The following IGSF22 variants were observed in gnomAD, a reference collection of about 807,000 sequenced individuals.
IGSF22 encodes the protein immunoglobulin superfamily, member 22.
Under a neutral mutation model 127.0 loss-of-function variants are expected in IGSF22, and 119 were observed. The observed-to-expected ratio is 0.94, with a 90% confidence interval of 0.81 to 1.09. IGSF22 has a LOEUF of 1.09. Ranked by LOEUF, IGSF22 falls within the 50% of genes least tolerant of loss-of-function variation. The pLI is 0.00. For missense variants in IGSF22, 1,518 were observed against 1,716.6 expected (o/e 0.88, Z 2.04); for synonymous variants, 568 against 664.7 (o/e 0.85, Z 2.24).
Position 18,708,306 on chromosome 11 carries a change from G to A in IGSF22, c.2999-11C>T. The A allele has an allele frequency of 6.5e-7, 1 of 1,533,082 alleles. No individual in the cohort carries two copies. Among genetic ancestry groups the A allele is most frequent in the Non-Finnish European group, 8.8e-7 (1 of 1,138,636 alleles). 95.0% of individuals were successfully genotyped at this position (1,533,082 alleles called of 1,614,324 possible). A position where few individuals can be genotyped will look rare whatever the true frequency, so the allele number is the denominator to read the frequency against. On this transcript the variant is annotated splice_polypyrimidine_tract_variant and intron_variant, in intron 18 of 22. Transcript: ENST00000513874. Reference sequence around the variant, plus strand: ...CAAACTTGGGTGCAGCTGAGATGGAGGAGACAGAGGTGGAGGCATGGATCT... The same window carrying A: ...CAAACTTGGGTGCAGCTGAGATGGAAGAGACAGAGGTGGAGGCATGGATCT...
At position 18,719,850 on chromosome 11, in the gene IGSF22, C is replaced by T; in HGVS notation, c.562G>A (p.Glu188Lys). ...GACAAAATCTCCAGCATCTCTTTCT[C>T]ATTTGCCACCTTCTTCTGCTTCTTC... ...PKKKQKKVAN[E>K]KEMLEILSKV... Residue 188 changes from glutamate (E) to lysine (K), a missense_variant, in exon 7 of 23, where the codon GAG becomes AAG. Transcript: ENST00000513874. 6.2e-7 allele frequency: 1 copy of T among 1,614,226 alleles called. No individual in the cohort carries two copies. The highest frequency in any genetic ancestry group is 1.3e-5 in the African/African-American group (1 of 75,066).
At chr11:18,710,196 A>G in intron 17 of IGSF22, 131 bp downstream of exon 17, 2 of 1,193,824 alleles carry the variant, frequency 1.7e-6, no homozygotes, top group Non-Finnish European at 2.4e-6. Flanking sequence ...TTGTCCCTCT[A>G]TGAGGCTGGC....
chr11:18,716,299 T>G lies in IGSF22; in HGVS notation c.1246+429A>C, dbSNP rs752938299. ...CTCCATCACAGCAATGATGATTCCA[T>G]GTGATATAGATTCCAGGTGCGGTTC... is the stretch of plus-strand genomic sequence containing the variant. On this transcript the variant is annotated intron_variant, in intron 10 of 22. Transcript: ENST00000513874. This position sits in a 1 kb window ranked among gnomAD's most constrained non-coding sequence, Gnocchi z 4.5. Among the ~76,000 whole-genome samples, 1 of 152,210 alleles carries G rather than the reference T, an allele frequency of 6.6e-6. No individual in the cohort carries two copies. Among genetic ancestry groups the G allele is most frequent in the Non-Finnish European group, 1.5e-5 (1 of 68,042 alleles).
At chr11:18,720,363 C>CT (rs76183328) in intron 4 of IGSF22, 78 bp from the exon 5 acceptor site, 17,632 of 821,616 alleles carry the variant, frequency 0.021, 3 homozygotes, top group South Asian at 0.024. Context: ...GGTAGGAGGC[C>CT]TTTTTTTTTT....
At chr11:18,717,893 C>A in intron 9 of IGSF22, 38 bp downstream of exon 9, 1 of 1,601,676 alleles carries the variant, frequency 6.2e-7, no homozygotes, top group South Asian at 1.1e-5. Context: ...TCCAACCCGA[C>A]ATGTCCTCCT....
At chr11:18,718,349 T>G (rs1848500849) in intron 8 of IGSF22, among the ~76,000 whole-genome samples, 1 of 152,184 alleles carries the variant, frequency 6.6e-6, no homozygotes, top group Admixed American at 6.5e-5. Context: ...GGCACAGATC[T>G]TCAGTGACCT....
chr11:18,714,658 G>C, intron 11 of IGSF22, 34 bp from the exon 12 acceptor site: 1 of 1,610,938 alleles, frequency 6.2e-7, no homozygotes, highest in African/African-American at 1.3e-5. Flanking sequence ...ACTGGCTCAG[G>C]ATGTTGGGGT....
intron 17 of IGSF22, 144 bp downstream of exon 17, chr11:18,710,183 A>C: frequency 1.9e-6 from 2 of 1,075,268 alleles, no homozygotes; most frequent in Admixed American, 4.3e-5. Flanking sequence ...TTGTGTGTGA[A>C]TCTTGTCCCT....
chr11:18,713,725 C>G (rs1053648106), intron 14 of IGSF22, 127 bp downstream of exon 14: 20 of 783,988 alleles, frequency 2.6e-5, no homozygotes, highest in Admixed American at 2.3e-4. Context: ...CAAAGCCAGC[C>G]TTCTAGGCCC....
rs370808104 is a variant in IGSF22 at position 18,714,538 on chromosome 11, C to A, written c.1618G>T (p.Glu540Ter). Residue 540 changes from glutamate to a stop codon, truncating the protein, a stop_gained, in exon 12 of 23, where the codon GAG becomes TAG. Transcript: ENST00000513874. LOFTEE classifies it high-confidence loss of function. ...PAELCVVLNDEKVEGVWLKDG... is the reference protein window; with the variant it reads ...PAELCVVLND ...TTCAGCCACACACCCTCCACCTTCT[C>A]GTCATTCAGCACTACACACAACTCA... 1 of 1,614,180 alleles carries A rather than the reference C, an allele frequency of 6.2e-7. No individual in the cohort carries two copies. The highest frequency in any genetic ancestry group is 8.5e-7 in the Non-Finnish European group (1 of 1,180,038).
chr11:18,705,652 A>G (rs1848210206), intron 22 of IGSF22, 165 bp downstream of exon 22: 1 of 630,712 alleles, frequency 1.6e-6, no homozygotes, highest in Non-Finnish European at 2.7e-6. Context: ...ATGACATCGA[A>G]AGGATGGGAG....
In IGSF22 at chr11:18,707,857, A is replaced by C; in HGVS notation, c.3227T>G (p.Leu1076Trp). ...TGCTTCTCCAAACTCATTCTGAAGC[A>C]AGATTCGGTACACCCCTGAGTCAGA... ...KRSDSGVYRI[L>W]LQNEFGEARY... is the part of the protein sequence containing the mutation. Residue 1076 changes from leucine to tryptophan, a missense_variant, in exon 20 of 23, where the codon TTG becomes TGG. Leu to Trp is a moderately conservative substitution (Grantham distance 61, BLOSUM62 -2). Transcript: ENST00000513874. 1 of 1,613,788 alleles carries C rather than the reference A, an allele frequency of 6.2e-7. No homozygotes were observed. The highest frequency in any genetic ancestry group is 8.5e-7 in the Non-Finnish European group (1 of 1,179,868).
rs1370820153 is a variant in IGSF22 at position 18,704,442 on chromosome 11, T to C, written c.*26A>G. 2.6e-6 allele frequency: 4 copies of C among 1,513,578 alleles called. No individual in the cohort carries two copies. The East Asian group carries it at 9.8e-5, about 37-fold the overall frequency. The allele number at this position is 1,513,578 out of a possible 1,614,324, so 93.8% of individuals were successfully genotyped here. ...CAAGAAACTCCACATCATAACAGCC[T>C]CCTGATGCCTGGGCTTGGCTGGAGC... On this transcript the variant is annotated 3_prime_UTR_variant, in exon 23 of 23. Coordinates refer to ENST00000513874, the MANE Select transcript of IGSF22 (RefSeq NM_173588.4).
rs539461337 is a variant in IGSF22, at chr11:18,715,715, G to C, written c.1248C>G (p.Arg416=). ...GGTTGCTCACAAACTTGATGGGGAT[G>C]CCTGTGGACAGACAGACACTTGGGC... is the stretch of plus-strand genomic sequence containing the variant. ...LVQKAQLTVD[R]IPIKFVSNLK... The change falls in exon 11 of 23, where the codon CGC becomes CGG. Residue 416 remains arginine (R), a splice_region_variant and synonymous_variant. Coordinates refer to ENST00000513874, the MANE Select transcript of IGSF22 (RefSeq NM_173588.4). 24 of 1,606,378 alleles carry C rather than the reference G, an allele frequency of 1.5e-5. No individual in the cohort carries two copies. The East Asian group carries it at 5.4e-4, about 36-fold the overall frequency.
intron 21 of IGSF22, chr11:18,706,592 G>C (rs897578298): frequency 1.4e-5 from 5 of 360,016 alleles, no homozygotes; most frequent in African/African-American, 1.0e-4. Context: ...CATCCTCCCG[G>C]CTCCCTAGAG....
Position 18,716,757 on chromosome 11 carries a change from A to G in IGSF22, c.1217T>C (p.Leu406Pro), listed in dbSNP as rs769410291. The change falls in exon 10 of 23, where the codon CTG becomes CCG. Residue 406 changes from leucine to proline, a missense_variant. Coordinates refer to ENST00000513874, the MANE Select transcript of IGSF22 (RefSeq NM_173588.4). This position sits in a 1 kb window ranked among gnomAD's most constrained non-coding sequence, Gnocchi z 4.5. The stretch of plus-strand genomic sequence containing the variant: ...AACAGTGAGCTGGGCCTTTTGTACC[A>G]GGTTCCCCGCCTCAGCAGAGAACTC... ...SGEFSAEAGN[L>P]VQKAQLTVDR... The G allele has an allele frequency of 6.2e-7, 1 of 1,614,128 alleles. No individual in the cohort carries two copies. Among genetic ancestry groups the G allele is most frequent in the Non-Finnish European group, 8.5e-7 (1 of 1,179,998 alleles).
intron 18 of IGSF22, among the ~76,000 whole-genome samples, chr11:18,708,595 G>A (rs1033023865): frequency 1.3e-5 from 2 of 152,178 alleles, no homozygotes. Context: ...GACAGTGAAC[G>A]AGATCTGATC....
chr11:18,712,818 G>A (rs1246732376), intron 14 of IGSF22, among the ~76,000 whole-genome samples: 1 of 152,240 alleles, frequency 6.6e-6, no homozygotes, highest in Non-Finnish European at 1.5e-5. Flanking sequence ...AGAACACAGA[G>A]CAGGTGCTCA....
At chr11:18,714,764 T>G (rs1848429364) in intron 11 of IGSF22, 140 bp from the exon 12 acceptor site, 1 of 1,065,126 alleles carries the variant, frequency 9.4e-7, no homozygotes, top group Admixed American at 2.5e-5. Flanking sequence ...GCAGGCGGCT[T>G]GCCAATGTGG....
Sources: allele counts gnomAD v4.1 joint callset (sites outside exome capture counted in the v4.1 genomes callset), GRCh38; gene constraint gnomAD v4.1.1; non-coding constraint Gnocchi (gnomAD v3.1); transcripts MANE v1.5; gene names NCBI Gene and HGNC (gene_info 2026-07-23, HGNC 2026-07-21).